The following FOXK2 variants were observed in gnomAD, a reference collection of about 807,000 sequenced individuals.
The protein encoded by FOXK2 is forkhead box K2.
A neutral mutation model predicts 53.3 loss-of-function variants in FOXK2; 24 were observed. The observed-to-expected ratio is 0.45, with a 90% CI of 0.33 to 0.63. The LOEUF (loss-of-function observed/expected upper bound fraction) is 0.63. Among genes scored for constraint, FOXK2 ranks in the 30% least tolerant of loss-of-function variants. The pLI is 0.03. For synonymous variants in FOXK2, 505 were observed against 407.1 expected (o/e 1.24, Z -2.89); for missense variants, 952 against 910.5 (o/e 1.05, Z -0.59).
intron 1 of FOXK2, among the ~76,000 whole-genome samples, chr17:82,544,920 C>T (rs2044609430): frequency 6.6e-6 from 1 of 151,822 alleles, no homozygotes; most frequent in African/African-American, 2.4e-5. Context: ...CGCACCCTCT[C>T]CATGGTGTGC....
In FOXK2 at chr17:82,587,146, G is replaced by A. The variant is rs1351464468; in HGVS notation, c.1660G>A (p.Val554Ile). Residue 554 changes from valine (V) to isoleucine (I), a missense_variant, in exon 8 of 9, where the codon GTC (valine) becomes ATC (isoleucine). This residue lies in a region of FOXK2 where 551 missense variants were observed against 385.1 expected (regional missense o/e 1.43). Transcript: ENST00000335255. ...CATTCAGACGGCACAGACCACCCCG[G>A]TCCAGACGGTGACCATAGTACAACA... ...RIIQTAQTTP[V>I]QTVTIVQQAP... 1.9e-6 allele frequency: 3 copies of A among 1,612,940 alleles called. No homozygotes were observed. Among genetic ancestry groups the A allele is most frequent in the East Asian group, 2.2e-5 (1 of 44,896 alleles).
chr17:82,583,679 G>GT (rs2045095108), intron 5 of FOXK2, among the ~76,000 whole-genome samples: 4 of 152,076 alleles, frequency 2.6e-5, no homozygotes, highest in Admixed American at 6.5e-5. Flanking sequence ...TGAGCGTAAC[G>GT]TAAGTCTTAA....
chr17:82,531,997 C>T (rs1283451256), intron 1 of FOXK2, among the ~76,000 whole-genome samples: 4 of 151,426 alleles, frequency 2.6e-5, no homozygotes, highest in Non-Finnish European at 4.4e-5. Context: ...CACGCCGCCA[C>T]GCCCGGCTAA....
At chr17:82,548,454 G>T (rs539827692) in intron 1 of FOXK2, among the ~76,000 whole-genome samples, 1 of 152,202 alleles carries the variant, frequency 6.6e-6, no homozygotes, top group Admixed American at 6.5e-5. Context: ...TATGTCATCT[G>T]TAGTGAATGA....
intron 1 of FOXK2, among the ~76,000 whole-genome samples, chr17:82,525,430 C>T (rs558709413): frequency 1.8e-4 from 28 of 152,250 alleles, no homozygotes; most frequent in Non-Finnish European, 2.8e-4. Context: ...CTGCCCACCT[C>T]GGCCTCCCAA....
intron 1 of FOXK2, among the ~76,000 whole-genome samples, chr17:82,540,486 T>G (rs2044564335): frequency 6.6e-6 from 1 of 152,112 alleles, no homozygotes; most frequent in Non-Finnish European, 1.5e-5. Flanking sequence ...ATACCCCCTT[T>G]CCCCTGTGTA....
chr17:82,543,451 T>G (rs1183147164), intron 1 of FOXK2, among the ~76,000 whole-genome samples: 4 of 152,182 alleles, frequency 2.6e-5, no homozygotes, highest in Non-Finnish European at 1.5e-5. Flanking sequence ...GCACCTGCTG[T>G]GGGGGTGCCA....
intron 1 of FOXK2, among the ~76,000 whole-genome samples, chr17:82,520,833 G>GGGGGAAA (rs2044354283): frequency 3.3e-5 from 5 of 152,310 alleles, no homozygotes; most frequent in African/African-American, 4.8e-5. Flanking sequence ...TCCCTGCCGT[G>GGGGGAAA]TTTTCAGTAG....
intron 1 of FOXK2, among the ~76,000 whole-genome samples, chr17:82,538,386 A>G (rs534169660): frequency 7.2e-5 from 11 of 152,232 alleles, no homozygotes; most frequent in African/African-American, 2.6e-4. Context: ...TTGGGAGGCT[A>G]AGATGGGAAG....
At chr17:82,543,383 C>T (rs2044592437) in intron 1 of FOXK2, among the ~76,000 whole-genome samples, 1 of 152,160 alleles carries the variant, frequency 6.6e-6, no homozygotes, top group African/African-American at 2.4e-5. Context: ...GTGAGAACTT[C>T]TGGCATCTAA....
At chr17:82,527,243 C>T (rs55707246) in intron 1 of FOXK2, among the ~76,000 whole-genome samples, 6 of 152,054 alleles carry the variant, frequency 3.9e-5, no homozygotes, top group Non-Finnish European at 7.4e-5. Context: ...TGGGTTCAAG[C>T]GATTCTCCTG....
rs2045394932 is a variant in FOXK2 at position 82,602,256 on chromosome 17, T to A, written c.*757T>A. 6.6e-6 allele frequency: 1 copy of A among 152,216 alleles called. No homozygotes were observed. Among genetic ancestry groups the A allele is most frequent in the South Asian group, 2.1e-4 (1 of 4,822 alleles). 9.4% of individuals were successfully genotyped at this position (152,216 alleles called of 1,614,324 possible). A position where few individuals can be genotyped will look rare whatever the true frequency, so the allele number is the denominator to read the frequency against. ...CCTTGAGAACCCAGGGACGAGCCAG[T>A]GCCGGGAAGGAACTGCCGGGACTCA... On this transcript the variant is annotated 3_prime_UTR_variant, in exon 9 of 9. Coordinates refer to ENST00000335255, the MANE Select transcript of FOXK2 (RefSeq NM_004514.4).
At chr17:82,553,883 G>T (rs1297228831) in intron 1 of FOXK2, among the ~76,000 whole-genome samples, 1 of 152,078 alleles carries the variant, frequency 6.6e-6, no homozygotes, top group Non-Finnish European at 1.5e-5. Context: ...TGCCAGGCTG[G>T]AGGGCAGTGG....
At chr17:82,583,907 C>T (rs2045098804) in intron 5 of FOXK2, 106 bp from the exon 6 acceptor site, 6 of 1,200,388 alleles carry the variant, frequency 5.0e-6, no homozygotes, top group Non-Finnish European at 6.9e-6. Flanking sequence ...ACTTGGTTGT[C>T]AGGAGACAAA....
At chr17:82,529,026 T>C (rs2044445452) in intron 1 of FOXK2, among the ~76,000 whole-genome samples, 1 of 151,982 alleles carries the variant, frequency 6.6e-6, no homozygotes, top group African/African-American at 2.4e-5. Flanking sequence ...CACTGAAAAA[T>C]CTTACAACGC....
Position 82,573,562 on chromosome 17 carries a change from T to TCACA in FOXK2, c.909+1727_909+1730dup, listed in dbSNP as rs1019671658. On this transcript the variant is annotated intron_variant, in intron 4 of 8. Coordinates refer to ENST00000335255, the MANE Select transcript of FOXK2 (RefSeq NM_004514.4). ...CTCTCTCTCTCTCTCTCTCTCTCTC[T>TCACA]CACACACACACACACACACACACAC... Among the ~76,000 whole-genome samples the TCACA allele has an allele frequency of 4.4e-3, 367 of 83,364 alleles. 2 individuals are homozygous for TCACA. The highest frequency in any genetic ancestry group is 0.029 in the East Asian group (72 of 2,522). 54.7% of individuals were successfully genotyped at this position (83,364 alleles called of 152,430 possible).
chr17:82,529,864 G>A (rs147062709), intron 1 of FOXK2, among the ~76,000 whole-genome samples: 148 of 151,972 alleles, frequency 9.7e-4, no homozygotes, highest in African/African-American at 3.3e-3. Context: ...ACATTGTTAC[G>A]TTTGTAATGT....
chr17:82,551,316 CA>C (rs59190492), intron 1 of FOXK2, among the ~76,000 whole-genome samples: 40,700 of 89,124 alleles, frequency 0.46, 6,170 homozygotes, highest in South Asian at 0.54. Context: ...GACTCCATCT[CA>C]AAAAAAAAAA....
At chr17:82,564,756 A>T (rs1029142971) in intron 2 of FOXK2, among the ~76,000 whole-genome samples, 3 of 135,494 alleles carry the variant, frequency 2.2e-5, no homozygotes, top group Non-Finnish European at 3.1e-5. Flanking sequence ...TTTGAGATGG[A>T]GTTTCACCCT....
Sources: gnomAD v4.1 joint callset for allele counts (sites outside exome capture counted in the v4.1 genomes callset) on GRCh38, gnomAD v4.1.1 for gene constraint, gnomAD v4.1.1 regional missense constraint, MANE v1.5 for transcripts, NCBI Gene and HGNC (gene_info 2026-07-23, HGNC 2026-07-21) for gene names.